PLA2R1: variants seen among roughly 807,000 people sequenced by gnomAD.
PLA2R1 encodes phospholipase A2 receptor 1, also known as secretory phospholipase A2 receptor.
A neutral mutation model predicts 195.9 loss-of-function variants in PLA2R1; 158 were observed. That is an observed-to-expected ratio of 0.81 (90% confidence interval 0.71 to 0.92). The LOEUF is 0.92. Among genes scored for constraint, PLA2R1 ranks in the 40% least tolerant of loss-of-function variants. The pLI is 0.00. For missense variants in PLA2R1, 1,626 were observed against 1,764.6 expected (o/e 0.92, Z 1.41); for synonymous variants, 586 against 598.2 (o/e 0.98, Z 0.30).
chr2:159,945,197 T>G, intron 27 of PLA2R1, 115 bp from the exon 28 acceptor site: 1 of 427,124 alleles, frequency 2.3e-6, no homozygotes, highest in Non-Finnish European at 3.7e-6. Context: ...TATTTTTATT[T>G]TTATTTTTTT....
chr2:160,010,480 T>A (rs1344173318), intron 10 of PLA2R1, among the ~76,000 whole-genome samples: 1 of 152,252 alleles, frequency 6.6e-6, no homozygotes, highest in Non-Finnish European at 1.5e-5. Flanking sequence ...AAATAAGTAA[T>A]TTGTAGCAGG....
chr2:159,977,972 C>T (rs1689691611), intron 14 of PLA2R1, among the ~76,000 whole-genome samples: 3 of 151,982 alleles, frequency 2.0e-5, no homozygotes, highest in African/African-American at 7.2e-5. Flanking sequence ...AAAAGGTATG[C>T]TATTCCTTTC....
In PLA2R1 at chr2:159,937,666, C is replaced by T. The variant is rs1686896494; in HGVS notation, c.*4112G>A. Reference sequence around the variant, plus strand: ...CCAGACTTTTTCTACAGCTTGTTCTCTGACAATAGTCAGGCAGTGGATGAG... The same window carrying T: ...CCAGACTTTTTCTACAGCTTGTTCTTTGACAATAGTCAGGCAGTGGATGAG... On this transcript the variant is annotated 3_prime_UTR_variant, in exon 30 of 30. Coordinates refer to ENST00000283243, the MANE Select transcript of PLA2R1 (RefSeq NM_007366.5). 1 of 152,244 alleles carries T rather than the reference C, an allele frequency of 6.6e-6. No individual in the cohort carries two copies. The highest frequency in any genetic ancestry group is 2.1e-4 in the South Asian group (1 of 4,836). The allele number at this position is 152,244 out of a possible 1,614,324, so 9.4% of individuals were successfully genotyped here.
At chr2:159,955,672 T>A (rs1688039760) in intron 22 of PLA2R1, 26 bp downstream of exon 22, 5 of 1,281,352 alleles carry the variant, frequency 3.9e-6, no homozygotes, top group Non-Finnish European at 5.2e-6. Context: ...CAAAGTGATC[T>A]CCAAAAAATA....
At chr2:160,004,856 G>A (rs546518945) in intron 11 of PLA2R1, among the ~76,000 whole-genome samples, 20 of 152,290 alleles carry the variant, frequency 1.3e-4, no homozygotes, top group African/African-American at 4.6e-4. Flanking sequence ...TTGGGATTCA[G>A]AGCTGAACAC....
intron 8 of PLA2R1, 31 bp from the exon 9 acceptor site, chr2:160,016,743 T>G: frequency 9.5e-7 from 1 of 1,049,100 alleles, no homozygotes; most frequent in Non-Finnish European, 1.5e-6. Flanking sequence ...AGAGAATGAA[T>G]ACACTCTGTG....
chr2:159,928,845 C>G (rs1303960367), downstream of PLA2R1, among the ~76,000 whole-genome samples: 1 of 152,100 alleles, frequency 6.6e-6, no homozygotes. Flanking sequence ...AGAAATAAAG[C>G]CAAATACTTA....
chr2:159,964,852 C>T (rs192027168), intron 20 of PLA2R1, among the ~76,000 whole-genome samples: 121 of 152,152 alleles, frequency 8.0e-4, no homozygotes, highest in Middle Eastern at 3.4e-3. Context: ...CATGATGAAA[C>T]CCCGTTTCTA....
chr2:160,057,165 C>G (rs898812943), intron 1 of PLA2R1, among the ~76,000 whole-genome samples: 5 of 152,170 alleles, frequency 3.3e-5, no homozygotes, highest in Non-Finnish European at 5.9e-5. Flanking sequence ...GCTAAGGGAG[C>G]TACAGAGGAA....
intron 14 of PLA2R1, among the ~76,000 whole-genome samples, chr2:159,978,781 A>G (rs1689747274): frequency 6.6e-6 from 1 of 151,578 alleles, no homozygotes; most frequent in Non-Finnish European, 1.5e-5. Flanking sequence ...ATCTCTTCCT[A>G]CTCTCTTCTA....
At position 160,037,498 on chromosome 2, in the gene PLA2R1, G is replaced by A. The variant is rs149445850; in HGVS notation, c.668-4366C>T. Among the ~76,000 whole-genome samples, 1,036 of 152,278 alleles carry A rather than the reference G, an allele frequency of 6.8e-3. 7 individuals are homozygous for A. The highest frequency in any genetic ancestry group is 0.054 in the Middle Eastern group (16 of 294). On this transcript the variant is annotated intron_variant, in intron 3 of 29. Transcript: ENST00000283243. ...GACATGCTGAGGGCTGGGGGTGGAG[G>A]AGCAGTCAGCCTGGACAGGTGGGCG...
intron 1 of PLA2R1, among the ~76,000 whole-genome samples, chr2:160,056,797 T>C (rs999100017): frequency 6.6e-5 from 10 of 152,144 alleles, no homozygotes; most frequent in Non-Finnish European, 1.3e-4. Context: ...AAACATGCAA[T>C]CTGGTTCCCC....
intron 2 of PLA2R1, among the ~76,000 whole-genome samples, chr2:160,043,920 A>G (rs1180938493): frequency 2.0e-5 from 3 of 152,342 alleles, no homozygotes; most frequent in Admixed American, 2.0e-4. Context: ...TCTACAGAGC[A>G]GCACGAGGGT....
chr2:159,947,453 A>T lies in PLA2R1; in HGVS notation c.3816T>A (p.Ser1272Arg). 4 of 1,607,328 alleles carry T rather than the reference A, an allele frequency of 2.5e-6. No individual in the cohort carries two copies. Among genetic ancestry groups the T allele is most frequent in the Non-Finnish European group, 3.4e-6 (4 of 1,178,164 alleles). ...TGCAAAATTCATGAGCAGCCTCAAA[A>T]CTCATACTGTCTAGGACTGTAGAAA... The part of the protein sequence containing the change: ...YSFSTVLDSM[S>R]FEAAHEFCKK... Residue 1272 changes from serine to arginine, a missense_variant, in exon 26 of 30, where the codon AGT (serine) becomes AGA (arginine). Coordinates refer to ENST00000283243, the MANE Select transcript of PLA2R1 (RefSeq NM_007366.5).
At chr2:159,987,652 G>T (rs537517130) in intron 11 of PLA2R1, among the ~76,000 whole-genome samples, 2 of 152,278 alleles carry the variant, frequency 1.3e-5, no homozygotes, top group East Asian at 3.9e-4. Context: ...TTCCTATCTG[G>T]AACCAAAATA....
intron 1 of PLA2R1, among the ~76,000 whole-genome samples, chr2:160,051,662 T>C (rs1251406712): frequency 1.3e-5 from 2 of 152,228 alleles, no homozygotes; most frequent in African/African-American, 4.8e-5. Context: ...AGGAATACTG[T>C]AAGCTGCTGA....
rs1351548296 is a variant in PLA2R1, at chr2:160,042,133, G to C, written c.559C>G (p.Gln187Glu). 6.2e-7 allele frequency: 1 copy of C among 1,613,986 alleles called. No homozygotes were observed. Among genetic ancestry groups the C allele is most frequent in the Admixed American group, 1.7e-5 (1 of 60,026 alleles). ...TCACGGGTACATTCATGATGCCACT[G>C]ATGGTTATACTGGAAGGGAAACATA... is the stretch of plus-strand genomic sequence containing the variant. ...PCMFPFQYNH[Q>E]WHHECTREGR... The change falls in exon 3 of 30, where the codon CAG becomes GAG. Residue 187 changes from glutamine (Q) to glutamate (E), a missense_variant. Gln to Glu is a conservative substitution (Grantham distance 29, BLOSUM62 2). Transcript: ENST00000283243.
At chr2:159,987,773 A>G (rs1393947930) in intron 11 of PLA2R1, among the ~76,000 whole-genome samples, 2 of 152,238 alleles carry the variant, frequency 1.3e-5, no homozygotes, top group African/African-American at 2.4e-5. Flanking sequence ...AAATAGGTGA[A>G]TAACAGATTC....
chr2:159,999,726 CT>C (rs1377868313), intron 11 of PLA2R1, among the ~76,000 whole-genome samples: 3 of 152,040 alleles, frequency 2.0e-5, no homozygotes, highest in African/African-American at 7.2e-5. Context: ...AAATGAATGG[CT>C]TTAATTATGC....
Sources: allele counts gnomAD v4.1 joint callset (sites outside exome capture counted in the v4.1 genomes callset), GRCh38; gene constraint gnomAD v4.1.1; transcripts MANE v1.5; gene names NCBI Gene and HGNC (gene_info 2026-07-23, HGNC 2026-07-21).